The following KIF1B variants were observed in gnomAD, a reference collection of about 807,000 sequenced individuals.
KIF1B encodes the protein kinesin family member 1B.
A neutral mutation model predicts 241.9 loss-of-function variants in KIF1B; 76 were observed. That is an observed-to-expected ratio of 0.31 (90% confidence interval 0.26 to 0.38). The LOEUF is 0.38. Ranked by LOEUF, KIF1B falls within the 10% of genes least tolerant of loss-of-function variation. KIF1B has a pLI of 1.00. For synonymous variants in KIF1B, 750 were observed against 796.7 expected (o/e 0.94, Z 0.99); for missense variants, 1,622 against 2,271.4 (o/e 0.71, Z 5.81).
In KIF1B at chr1:10,292,461, T is replaced by C. The variant is rs767603514; in HGVS notation, c.1590+339T>C. 35 of 306,592 alleles carry C rather than the reference T, an allele frequency of 1.1e-4. No individual in the cohort carries two copies. The highest frequency in any genetic ancestry group is 1.9e-4 in the Non-Finnish European group (30 of 159,236). 19.0% of individuals were successfully genotyped at this position (306,592 alleles called of 1,614,324 possible). A position where few individuals can be genotyped will look rare whatever the true frequency, so the allele number is the denominator to read the frequency against. On this transcript the variant is annotated intron_variant, in intron 17 of 48. Transcript: ENST00000676179. ...ACTTTCAGTTTTGGCTACTCTTTCA[T>C]GTAGATTTTCCCACAGAAGTCGTCT...
At chr1:10,263,004 A>G (rs896869138) in intron 5 of KIF1B, among the ~76,000 whole-genome samples, 2 of 152,156 alleles carry the variant, frequency 1.3e-5, no homozygotes, top group African/African-American at 4.8e-5. Context: ...GTATGTGCTT[A>G]AAGAAGCTGT....
At chr1:10,216,700 C>A (rs1357247160) in intron 1 of KIF1B, among the ~76,000 whole-genome samples, 1 of 152,068 alleles carries the variant, frequency 6.6e-6, no homozygotes, top group Non-Finnish European at 1.5e-5. Flanking sequence ...AAATCTGGAC[C>A]CCTTGACTCA....
At chr1:10,321,680 C>T in intron 23 of KIF1B, 29 bp from the exon 24 acceptor site, 1 of 1,610,958 alleles carries the variant, frequency 6.2e-7, no homozygotes, top group Non-Finnish European at 8.5e-7. Context: ...GTAAGATTGC[C>T]ATTAAATATG....
At chr1:10,340,352 C>A (rs978642773) in intron 32 of KIF1B, among the ~76,000 whole-genome samples, 1 of 152,160 alleles carries the variant, frequency 6.6e-6, no homozygotes, top group Non-Finnish European at 1.5e-5. Context: ...AGAAAACAGA[C>A]CCTTCCCTCT....
chr1:10,371,228 C>T lies in KIF1B; in HGVS notation c.4912C>T (p.Leu1638=). 1.2e-6 allele frequency: 2 copies of T among 1,614,146 alleles called. No individual in the cohort carries two copies. The highest frequency in any genetic ancestry group is 4.5e-5 in the East Asian group (2 of 44,882). ...TLTPSSTCPS[L]VDSRSNSLDQ... ...CACTCCCTCCTCCACCTGTCCCTCT[C>T]TGGTAGACTCTAGGAGCAACTCTCT... The change falls in exon 45 of 49, where the codon CTG becomes TTG. Residue 1638 remains leucine, a synonymous_variant. Coordinates refer to ENST00000676179, the MANE Select transcript of KIF1B (RefSeq NM_001365951.3).
At position 10,337,817 on chromosome 1, in the gene KIF1B, A is replaced by G. The variant is rs17034759; in HGVS notation, c.3422+284A>G. On this transcript the variant is annotated intron_variant, in intron 31 of 48. Transcript: ENST00000676179. The surrounding 1 kb of genome is among the most constrained non-coding windows in gnomAD (Gnocchi z 4.0). Reference sequence around the variant, plus strand: ...CAGGAATGTAGGGTCTGATCACATAAGCCTGTTGATGAGTCTTTCTAGTCC... The same window carrying G: ...CAGGAATGTAGGGTCTGATCACATAGGCCTGTTGATGAGTCTTTCTAGTCC... Among the ~76,000 whole-genome samples, 1,399 of 152,308 alleles carry G rather than the reference A, an allele frequency of 9.2e-3. 20 individuals carry two copies. Among genetic ancestry groups the G allele is most frequent in the African/African-American group, 0.031 (1,298 of 41,564 alleles).
At chr1:10,304,009 C>T (rs542546734) in intron 22 of KIF1B, 45 of 1,611,364 alleles carry the variant, frequency 2.8e-5, no homozygotes, top group Non-Finnish European at 3.6e-5. Flanking sequence ...AAAGCAGCTT[C>T]GTCGGCAGAA....
intron 15 of KIF1B, among the ~76,000 whole-genome samples, chr1:10,290,322 CT>C (rs1271440190): frequency 6.6e-6 from 1 of 152,038 alleles, no homozygotes; most frequent in Non-Finnish European, 1.5e-5. Context: ...AGTGTAAACA[CT>C]CAGCAAGTGA....
chr1:10,236,331 A>T (rs1226400759), intron 2 of KIF1B, among the ~76,000 whole-genome samples: 1 of 151,996 alleles, frequency 6.6e-6, no homozygotes, highest in African/African-American at 2.4e-5. Flanking sequence ...ATTTGGGAAA[A>T]TTTTCAGAAT....
At chr1:10,287,992 G>C (rs1422536890) in intron 15 of KIF1B, among the ~76,000 whole-genome samples, 1 of 152,050 alleles carries the variant, frequency 6.6e-6, no homozygotes, top group African/African-American at 2.4e-5. Context: ...GTCTGTTGAA[G>C]GTTTTCACTT....
At chr1:10,305,977 A>G in intron 22 of KIF1B, 1 of 1,052,350 alleles carries the variant, frequency 9.5e-7, no homozygotes, top group Non-Finnish European at 1.1e-6. Context: ...GGTGTGAAAA[A>G]CTACAGCCAA....
chr1:10,212,890 G>GTATA (rs201066671), intron 1 of KIF1B, among the ~76,000 whole-genome samples: 1,458 of 108,900 alleles, frequency 0.013, 14 homozygotes, highest in East Asian at 0.042. Flanking sequence ...ATGCGTGTGT[G>GTATA]TATATATATA....
intron 2 of KIF1B, among the ~76,000 whole-genome samples, chr1:10,253,785 G>A (rs543635630): frequency 6.6e-6 from 1 of 152,288 alleles, no homozygotes; most frequent in South Asian, 2.1e-4. Flanking sequence ...TTTGCATGTG[G>A]AGAGATGTTC....
At chr1:10,319,007 A>G (rs1651412675) in intron 22 of KIF1B, among the ~76,000 whole-genome samples, 1 of 151,460 alleles carries the variant, frequency 6.6e-6, no homozygotes, top group Non-Finnish European at 1.5e-5. Flanking sequence ...TCTGAGAACC[A>G]TTTTTTGGCC....
chr1:10,246,318 A>G lies in KIF1B; in HGVS notation c.107-9929A>G, dbSNP rs145523898. Among the ~76,000 whole-genome samples the G allele has an allele frequency of 9.9e-5, 15 of 152,278 alleles. No homozygotes were observed. In the East Asian group the frequency reaches 2.9e-3, roughly 29 times the overall value. On this transcript the variant is annotated intron_variant, in intron 2 of 48. Coordinates refer to ENST00000676179, the MANE Select transcript of KIF1B (RefSeq NM_001365951.3). ...CATATATCAATCAGTAAGTCTTGCC[A>G]TCTTTGCCTTCACAATATATCCTGA...
intron 22 of KIF1B, among the ~76,000 whole-genome samples, chr1:10,317,194 G>A (rs1651338733): frequency 6.6e-6 from 1 of 151,578 alleles, no homozygotes; most frequent in African/African-American, 2.4e-5. Flanking sequence ...TAATTAGCTA[G>A]CTTTTAAAAA....
chr1:10,347,909 C>T, intron 36 of KIF1B, 82 bp downstream of exon 36: 1 of 1,203,798 alleles, frequency 8.3e-7, no homozygotes. Flanking sequence ...TTCTTATTCT[C>T]TGTTTTCATC....
rs1638830289 is a variant in KIF1B at position 10,374,447 on chromosome 1, T to C, written c.5078T>C (p.Ile1693Thr). Residue 1693 changes from isoleucine to threonine, a missense_variant, in exon 46 of 49, where the codon ATT (isoleucine) becomes ACT (threonine). By Grantham distance (89) the Ile-to-Thr change is moderately conservative. Coordinates refer to ENST00000676179, the MANE Select transcript of KIF1B (RefSeq NM_001365951.3). This position sits in a 1 kb window ranked among gnomAD's most constrained non-coding sequence, Gnocchi z 4.3. ...KNEFLNLVPD[I>T]EEIRPSSVVS... is the part of the protein sequence containing the mutation. Reference sequence around the variant, plus strand: ...GAATTTCTCAATCTTGTTCCAGATATTGAAGAAATTAGACCAAGGTGAGTA... The same window carrying C: ...GAATTTCTCAATCTTGTTCCAGATACTGAAGAAATTAGACCAAGGTGAGTA... The C allele has an allele frequency of 6.2e-7, 1 of 1,614,194 alleles. No individual in the cohort carries two copies. The highest frequency in any genetic ancestry group is 8.5e-7 in the Non-Finnish European group (1 of 1,180,038).
rs371146337 is a variant in KIF1B at position 10,254,703 on chromosome 1, C to T, written c.107-1544C>T. ...CATCCTGGCTAACACGGTGAAACCC[C>T]GTCTCTACTAAAAATACAAAAAAAT... On this transcript the variant is annotated intron_variant, in intron 2 of 48. Transcript: ENST00000676179. Among the ~76,000 whole-genome samples the T allele has an allele frequency of 9.3e-3, 1,418 of 151,658 alleles. 18 individuals are homozygous for T. The highest frequency in any genetic ancestry group is 0.038 in the Middle Eastern group (11 of 292).
Sources: gnomAD v4.1 joint callset for allele counts (sites outside exome capture counted in the v4.1 genomes callset) on GRCh38, gnomAD v4.1.1 for gene constraint, Gnocchi (gnomAD v3.1) non-coding constraint, MANE v1.5 for transcripts, NCBI Gene and HGNC (gene_info 2026-07-23, HGNC 2026-07-21) for gene names.